The following IPCEF1 variants were observed in gnomAD, a reference collection of about 807,000 sequenced individuals.
IPCEF1 encodes the protein interaction protein for cytohesin exchange factors 1.
Under a neutral mutation model 50.9 loss-of-function variants are expected in IPCEF1, and 31 were observed. The observed-to-expected ratio is 0.61, with a 90% CI of 0.46 to 0.82. IPCEF1 has a LOEUF of 0.82. Among genes scored for constraint, IPCEF1 ranks in the 40% least tolerant of loss-of-function variants. The pLI, the probability that IPCEF1 is intolerant of heterozygous loss-of-function variation, is 0.00. For missense variants in IPCEF1, 458 were observed against 514.0 expected (o/e 0.89, Z 1.05); for synonymous variants, 181 against 192.0 (o/e 0.94, Z 0.47).
intron 1 of IPCEF1, among the ~76,000 whole-genome samples, chr6:154,308,331 C>T (rs1782989915): frequency 1.3e-5 from 2 of 151,982 alleles, no homozygotes; most frequent in African/African-American, 2.4e-5. Flanking sequence ...CAGTGTTGAC[C>T]AGGTTAGTCT....
intron 1 of IPCEF1, among the ~76,000 whole-genome samples, chr6:154,307,534 C>A (rs753083969): frequency 3.9e-5 from 6 of 152,014 alleles, no homozygotes; most frequent in Non-Finnish European, 7.3e-5. Context: ...GGGGTTAGGA[C>A]TTCAGCATAT....
intron 1 of IPCEF1, among the ~76,000 whole-genome samples, chr6:154,325,785 A>C (rs1783503900): frequency 6.6e-6 from 1 of 152,194 alleles, no homozygotes; most frequent in African/African-American, 2.4e-5. Flanking sequence ...GAATATATTT[A>C]GTTTTATATA....
At chr6:154,220,768 G>A (rs1475550429) in intron 7 of IPCEF1, among the ~76,000 whole-genome samples, 1 of 152,224 alleles carries the variant, frequency 6.6e-6, no homozygotes, top group Non-Finnish European at 1.5e-5. Flanking sequence ...TGGAAATGGA[G>A]CTAGGGATCT....
intron 10 of IPCEF1, among the ~76,000 whole-genome samples, chr6:154,189,248 T>G (rs929616456): frequency 3.3e-5 from 5 of 152,206 alleles, no homozygotes; most frequent in Non-Finnish European, 5.9e-5. Flanking sequence ...ACTTTACCAA[T>G]GAGGATGTGG....
intron 3 of IPCEF1, among the ~76,000 whole-genome samples, chr6:154,251,718 T>C (rs1781340580): frequency 6.6e-6 from 1 of 152,046 alleles, no homozygotes; most frequent in African/African-American, 2.4e-5. Flanking sequence ...AAGCAAGGAC[T>C]AGAGATTGTG....
chr6:154,189,696 C>G (rs149447321), intron 10 of IPCEF1, among the ~76,000 whole-genome samples: 1 of 151,970 alleles, frequency 6.6e-6, no homozygotes, highest in Non-Finnish European at 1.5e-5. Flanking sequence ...GGGCCAGGCG[C>G]GGTGGCTGAT....
chr6:154,266,531 C>G (rs754095718), intron 2 of IPCEF1, among the ~76,000 whole-genome samples: 1 of 145,106 alleles, frequency 6.9e-6, no homozygotes, highest in African/African-American at 2.5e-5. Context: ...CTCAGCAAGA[C>G]ATGTATATGA....
intron 1 of IPCEF1, among the ~76,000 whole-genome samples, chr6:154,308,195 G>A (rs1188264594): frequency 6.6e-6 from 1 of 152,214 alleles, no homozygotes; most frequent in Non-Finnish European, 1.5e-5. Flanking sequence ...GCTGGCTGCA[G>A]CCTCAAGCTC....
intron 10 of IPCEF1, among the ~76,000 whole-genome samples, chr6:154,184,665 A>G (rs1396796454): frequency 6.6e-6 from 1 of 152,202 alleles, no homozygotes. Context: ...ACCAATTAAT[A>G]AAAGTACAAT....
chr6:154,265,867 A>G, intron 3 of IPCEF1, 45 bp downstream of exon 3: 1 of 1,421,668 alleles, frequency 7.0e-7, no homozygotes, highest in Non-Finnish European at 9.7e-7. Context: ...CTCATTCATC[A>G]AACTGACAAT....
intron 1 of IPCEF1, among the ~76,000 whole-genome samples, chr6:154,312,487 C>T (rs1321565378): frequency 6.6e-6 from 1 of 152,094 alleles, no homozygotes; most frequent in African/African-American, 2.4e-5. Context: ...ACTGGGACTA[C>T]AGGCACGCAC....
At chr6:154,227,255 C>G (rs1779327281) in intron 5 of IPCEF1, among the ~76,000 whole-genome samples, 8 of 151,782 alleles carry the variant, frequency 5.3e-5, no homozygotes, top group Admixed American at 5.3e-4. Context: ...AAATAAAAAA[C>G]AATAGTTCCA....
intron 11 of IPCEF1, 145 bp downstream of exon 11, chr6:154,167,775 C>T (rs1161391027): frequency 3.5e-6 from 2 of 577,080 alleles, no homozygotes; most frequent in Non-Finnish European, 6.0e-6. Context: ...TCAAGATCAT[C>T]TTGCCCTATA....
At chr6:154,345,075 G>A (rs1289938384) in intron 1 of IPCEF1, among the ~76,000 whole-genome samples, 1 of 152,148 alleles carries the variant, frequency 6.6e-6, no homozygotes, top group Non-Finnish European at 1.5e-5. Flanking sequence ...TCAACATGTT[G>A]CCCAGGCTGG....
chr6:154,197,230 A>G (rs1390834280), intron 10 of IPCEF1, among the ~76,000 whole-genome samples: 2 of 152,244 alleles, frequency 1.3e-5, no homozygotes, highest in African/African-American at 4.8e-5. Context: ...TTTAAAAGTC[A>G]CAAAAATGAA....
chr6:154,340,289 C>A (rs1429969951), intron 1 of IPCEF1, among the ~76,000 whole-genome samples: 2 of 151,732 alleles, frequency 1.3e-5, no homozygotes, highest in African/African-American at 4.8e-5. Flanking sequence ...CTTGCTCTGT[C>A]GCCCAGGCTG....
At chr6:154,180,904 C>T (rs183916980) in intron 10 of IPCEF1, among the ~76,000 whole-genome samples, 213 of 152,216 alleles carry the variant, frequency 1.4e-3, no homozygotes, top group South Asian at 5.8e-3. Context: ...TAGAAAACAG[C>T]GTTTCCTGTT....
intron 2 of IPCEF1, among the ~76,000 whole-genome samples, chr6:154,279,595 C>T (rs1782157295): frequency 6.6e-6 from 1 of 152,190 alleles, no homozygotes; most frequent in Admixed American, 6.5e-5. Flanking sequence ...GGCCAATTAC[C>T]TCAGTATCAT....
At chr6:154,174,064 G>A (rs1800096125) in intron 10 of IPCEF1, among the ~76,000 whole-genome samples, 2 of 152,136 alleles carry the variant, frequency 1.3e-5, no homozygotes, top group Admixed American at 1.3e-4. Flanking sequence ...TTCATATCCA[G>A]CCAAACTAAG....
Sources: allele counts gnomAD v4.1 joint callset (sites outside exome capture counted in the v4.1 genomes callset), GRCh38; gene constraint gnomAD v4.1.1; transcripts MANE v1.5; gene names NCBI Gene and HGNC (gene_info 2026-07-23, HGNC 2026-07-21).